ZNF235: variants seen among roughly 807,000 people sequenced by gnomAD.
The protein encoded by ZNF235 is zinc finger protein 235, also known as zfp-93.
ZNF235 carries 25 observed loss-of-function variants against 29.4 expected under a neutral mutation model. The observed-to-expected ratio is 0.85, with a 90% confidence interval of 0.62 to 1.19. The LOEUF (loss-of-function observed/expected upper bound fraction) is 1.19, where lower values mean the gene tolerates loss of function less well. Ranked by LOEUF, ZNF235 falls within the 50% of genes most tolerant of loss-of-function variation. The probability of loss-of-function intolerance (pLI) is 0.00; values close to 1 mark genes in which losing one functional copy is unlikely to be tolerated. For synonymous variants in ZNF235, 300 were observed against 295.3 expected (o/e 1.02, Z -0.16); for missense variants, 788 against 885.0 (o/e 0.89, Z 1.39).
In ZNF235 at chr19:44,303,088, A is replaced by G. The variant is rs564901898; in HGVS notation, c.15+302T>C. Among the ~76,000 whole-genome samples, 62 of 95,760 alleles carry G rather than the reference A, an allele frequency of 6.5e-4. No individual in the cohort carries two copies. In the East Asian group the frequency reaches 0.018, roughly 28 times the overall value. 62.8% of individuals were successfully genotyped at this position (95,760 alleles called of 152,430 possible). A position where few individuals can be genotyped will look rare whatever the true frequency, so the allele number is the denominator to read the frequency against. On this transcript the variant is annotated intron_variant, in intron 2 of 4. Transcript: ENST00000291182. The stretch of plus-strand genomic sequence containing the variant: ...GTATATATTTGTATATATAATACAT[A>G]TATACAAATATACGTATATTTCTTA...
Position 44,287,039 on chromosome 19 carries a change from G to A in ZNF235, c.*179C>T, listed in dbSNP as rs548810744. 8.3e-6 allele frequency: 5 copies of A among 601,956 alleles called. No individual in the cohort carries two copies. Among genetic ancestry groups the A allele is most frequent in the Middle Eastern group, 4.5e-4 (1 of 2,218 alleles). The allele number at this position is 601,956 out of a possible 1,614,324, so 37.3% of individuals were successfully genotyped here. On this transcript the variant is annotated 3_prime_UTR_variant, in exon 5 of 5. Coordinates refer to ENST00000291182, the MANE Select transcript of ZNF235 (RefSeq NM_004234.4). ...TTTTCTCGCATCTGTGAAATATGACGTTTGTAAAGAATTCATGTCCTAACC... is the reference window on the plus strand; with the variant it reads ...TTTTCTCGCATCTGTGAAATATGACATTTGTAAAGAATTCATGTCCTAACC...
At position 44,287,780 on chromosome 19, in the gene ZNF235, A is replaced by T; in HGVS notation, c.1655T>A (p.Phe552Tyr). 1 of 1,613,896 alleles carries T rather than the reference A, an allele frequency of 6.2e-7. No individual in the cohort carries two copies. Among genetic ancestry groups the T allele is most frequent in the Non-Finnish European group, 8.5e-7 (1 of 1,179,958 alleles). Residue 552 changes from phenylalanine (F) to tyrosine (Y), a missense_variant, in exon 5 of 5, where the codon TTC becomes TAC. Transcript: ENST00000291182. Reference sequence around the variant, plus strand: ...ATTGTGAAGATTCAAGCTCCAATTGAAGCGCTTCCCACACACTTCACATTT... The same window carrying T: ...ATTGTGAAGATTCAAGCTCCAATTGTAGCGCTTCCCACACACTTCACATTT... ...PYKCEVCGKR[F>Y]NWSLNLHNHQ...
chr19:44,292,685 T>C (rs1338791885), intron 4 of ZNF235, among the ~76,000 whole-genome samples: 1 of 151,884 alleles, frequency 6.6e-6, no homozygotes, highest in Non-Finnish European at 1.5e-5. Flanking sequence ...AGGAAATAAT[T>C]GAGGAAAACT....
intron 4 of ZNF235, among the ~76,000 whole-genome samples, chr19:44,291,780 G>A (rs1975587706): frequency 1.3e-5 from 2 of 152,022 alleles, no homozygotes; most frequent in Non-Finnish European, 2.9e-5. Flanking sequence ...ACAAACAAAA[G>A]TTCAGGCTTA....
intron 4 of ZNF235, among the ~76,000 whole-genome samples, chr19:44,295,250 A>T (rs1269064072): frequency 2.6e-5 from 4 of 151,900 alleles, no homozygotes; most frequent in African/African-American, 9.7e-5. Context: ...TTTCAGGATT[A>T]AAAAAAATCA....
intron 3 of ZNF235, 119 bp downstream of exon 3, chr19:44,299,487 C>T (rs951016132): frequency 6.1e-6 from 8 of 1,316,552 alleles, no homozygotes; most frequent in Admixed American, 4.2e-5. Flanking sequence ...CCAGGGATGC[C>T]ACTAAACATC....
intron 3 of ZNF235, among the ~76,000 whole-genome samples, 179 bp from the exon 4 acceptor site, chr19:44,299,082 T>G (rs1179622304): frequency 1.3e-5 from 2 of 152,206 alleles, no homozygotes; most frequent in Non-Finnish European, 2.9e-5. Flanking sequence ...TACATTACCC[T>G]GTGTAAACTA....
chr19:44,292,294 A>G (rs1975594864), intron 4 of ZNF235, among the ~76,000 whole-genome samples: 1 of 151,974 alleles, frequency 6.6e-6, no homozygotes, highest in South Asian at 2.1e-4. Context: ...AGGAAGCTCA[A>G]TGAGATACAA....
rs1439855444 is a variant in ZNF235 at position 44,299,160 on chromosome 19, C to A, written c.143-257G>T. Among the ~76,000 whole-genome samples the A allele has an allele frequency of 2.6e-5, 4 of 152,296 alleles. No individual in the cohort carries two copies. In the East Asian group the frequency reaches 7.7e-4, roughly 29 times the overall value. On this transcript the variant is annotated intron_variant, in intron 3 of 4. Coordinates refer to ENST00000291182, the MANE Select transcript of ZNF235 (RefSeq NM_004234.4). The stretch of plus-strand genomic sequence containing the variant: ...TTTTCATCACATCCCTTACGGCAAG[C>A]AGCAGCAGTTATTGCCACAATGTGC...
chr19:44,299,012 T>C (rs1975694278), intron 3 of ZNF235, 109 bp from the exon 4 acceptor site: 1 of 682,018 alleles, frequency 1.5e-6, no homozygotes, highest in Non-Finnish European at 2.5e-6. Context: ...ATGCAATGTT[T>C]AGGGAACATT....
At position 44,298,497 on chromosome 19, in the gene ZNF235, G is replaced by A. The variant is rs560222619; in HGVS notation, c.238+311C>T. ...TGCAACCCACGCCTCCCAGGTTCAA[G>A]CAATCCCCCCATCTCAGCCTCCTGA... On this transcript the variant is annotated intron_variant, in intron 4 of 4. Coordinates refer to ENST00000291182, the MANE Select transcript of ZNF235 (RefSeq NM_004234.4). Among the ~76,000 whole-genome samples, 462 of 151,944 alleles carry A rather than the reference G, an allele frequency of 3.0e-3. 1 individual carries two copies. Among genetic ancestry groups the A allele is most frequent in the Non-Finnish European group, 5.4e-3 (364 of 67,966 alleles).
In ZNF235 at chr19:44,287,153, C is replaced by A; in HGVS notation, c.*65G>T. The A allele has an allele frequency of 6.8e-7, 1 of 1,477,186 alleles. No homozygotes were observed. 91.5% of individuals were successfully genotyped at this position (1,477,186 alleles called of 1,614,324 possible). On this transcript the variant is annotated 3_prime_UTR_variant, in exon 5 of 5. Transcript: ENST00000291182. ...TAAAGGAACTTTTCACAATCATCAG[C>A]ATGGACTTCCCAACGGAGACAAAGA... is the stretch of plus-strand genomic sequence containing the variant.
At chr19:44,302,991 AATATATACATATATACGTATAT>A (rs1568647691) in intron 2 of ZNF235, among the ~76,000 whole-genome samples, 1 of 115,042 alleles carries the variant, frequency 8.7e-6, no homozygotes, top group Non-Finnish European at 1.6e-5. Context: ...TTTATATATA[AATATATACATATATACGTATAT>A]ATTTATATAA....
Position 44,287,445 on chromosome 19 carries a change from A to C in ZNF235, c.1990T>G (p.Phe664Val), listed in dbSNP as rs1432638155. Reference protein sequence around the residue: ...PFKCEECGKEFSWSAGLSAHQ... With the variant: ...PFKCEECGKEVSWSAGLSAHQ... ...GCACTGAGACCAGCACTCCAACTGA[A>C]TTCTTTCCCACATTCCTCACATTTA... The change falls in exon 5 of 5, where the codon TTC becomes GTC. Residue 664 changes from phenylalanine (F) to valine (V), a missense_variant. Physicochemically the swap from Phe to Val is conservative, Grantham distance 50. Transcript: ENST00000291182. 6.2e-7 allele frequency: 1 copy of C among 1,613,894 alleles called. No individual in the cohort carries two copies. The highest frequency in any genetic ancestry group is 8.5e-7 in the Non-Finnish European group (1 of 1,180,008).
chr19:44,301,471 CTT>C (rs199636863), intron 2 of ZNF235, among the ~76,000 whole-genome samples: 11 of 147,180 alleles, frequency 7.5e-5, no homozygotes, highest in African/African-American at 2.7e-4. Flanking sequence ...TGAATAGTCT[CTT>C]TTTTTTTTTT....
chr19:44,304,041 T>C (rs1975794492), intron 1 of ZNF235, among the ~76,000 whole-genome samples: 1 of 152,210 alleles, frequency 6.6e-6, no homozygotes, highest in Non-Finnish European at 1.5e-5. Context: ...GAAAAGTCTG[T>C]AACTGTGATT....
rs554857465 is a variant in ZNF235, at chr19:44,302,880, GT to G, written c.15+509del. Among the ~76,000 whole-genome samples the G allele has an allele frequency of 2.5e-3, 193 of 77,706 alleles. 1 individual carries two copies. The highest frequency in any genetic ancestry group is 0.016 in the African/African-American group (191 of 11,590). The allele number at this position is 77,706 out of a possible 152,430, so 51.0% of individuals were successfully genotyped here. A position where few individuals can be genotyped will look rare whatever the true frequency, so the allele number is the denominator to read the frequency against. On this transcript the variant is annotated intron_variant, in intron 2 of 4. Coordinates refer to ENST00000291182, the MANE Select transcript of ZNF235 (RefSeq NM_004234.4). The stretch of plus-strand genomic sequence containing the variant: ...TATATACTTATATATATTTGTATGT[GT>G]TTATATATACATATTTGTATATAAA...
chr19:44,300,619 C>T (rs1975722340), intron 2 of ZNF235, among the ~76,000 whole-genome samples: 1 of 152,072 alleles, frequency 6.6e-6, no homozygotes, highest in East Asian at 1.9e-4. Context: ...ACGGGCAGAT[C>T]ACTTGAGGTC....
At chr19:44,291,275 G>A (rs1474914921) in intron 4 of ZNF235, among the ~76,000 whole-genome samples, 1 of 152,138 alleles carries the variant, frequency 6.6e-6, no homozygotes, top group African/African-American at 2.4e-5. Flanking sequence ...CAAATATTCA[G>A]AGAATAAATA....
Sources: gnomAD v4.1 joint callset for allele counts (sites outside exome capture counted in the v4.1 genomes callset) on GRCh38, gnomAD v4.1.1 for gene constraint, MANE v1.5 for transcripts, NCBI Gene and HGNC (gene_info 2026-07-23, HGNC 2026-07-21) for gene names.